The following EPS15L1 variants were observed in gnomAD, a reference collection of about 807,000 sequenced individuals.
The protein encoded by EPS15L1 is epidermal growth factor receptor pathway substrate 15 like 1, also known as epidermal growth factor receptor substrate 15-like 1.
A neutral mutation model predicts 117.1 loss-of-function variants in EPS15L1; 43 were observed. The observed-to-expected ratio is 0.37, with a 90% confidence interval of 0.29 to 0.47. EPS15L1 has a LOEUF of 0.47. Among genes scored for constraint, EPS15L1 ranks in the 20% least tolerant of loss-of-function variants. The pLI, the probability that EPS15L1 is intolerant of heterozygous loss-of-function variation, is 0.99. For missense variants in EPS15L1, 981 were observed against 1,164.0 expected (o/e 0.84, Z 2.29); for synonymous variants, 459 against 470.5 (o/e 0.98, Z 0.32).
chr19:16,355,715 G>A lies in EPS15L1; in HGVS notation c.2723C>T (p.Pro908Leu). The change falls in exon 24 of 24, where the codon CCT (proline) becomes CTT (leucine). Residue 908 changes from proline to leucine, a missense_variant. Around this residue, in one of 5 missense-constraint regions of EPS15L1, gnomAD observed 819 missense variants for 949.0 expected, o/e 0.86. Transcript: ENST00000455140. ...ACACACGGCCCTCGCCTAGGCGGCA[G>A]GCATGTCAGCCTTGCTGAGCGCGAT... ...LAIALSKADM[P>L]AA The A allele has an allele frequency of 1.3e-6, 2 of 1,535,742 alleles. No homozygotes were observed. Among genetic ancestry groups the A allele is most frequent in the Admixed American group, 3.9e-5 (2 of 50,992 alleles).
intron 13 of EPS15L1, among the ~76,000 whole-genome samples, chr19:16,409,058 A>T (rs2092683167): frequency 6.6e-6 from 1 of 151,266 alleles, no homozygotes; most frequent in Middle Eastern, 3.4e-3. Context: ...CCTGTCTCTT[A>T]ACAAAAAAAA....
intron 1 of EPS15L1, among the ~76,000 whole-genome samples, chr19:16,445,393 CAAT>C (rs2093073480): frequency 6.6e-6 from 1 of 152,186 alleles, no homozygotes; most frequent in Non-Finnish European, 1.5e-5. Flanking sequence ...TAACCTGGAA[CAAT>C]GACAGTGGTC....
At chr19:16,449,956 T>C (rs1424354024) in intron 1 of EPS15L1, among the ~76,000 whole-genome samples, 1 of 151,888 alleles carries the variant, frequency 6.6e-6, no homozygotes, top group South Asian at 2.1e-4. Flanking sequence ...GATAAAATTG[T>C]AGAAATGAAC....
chr19:16,376,234 T>C (rs972819189), intron 22 of EPS15L1, among the ~76,000 whole-genome samples: 6 of 152,010 alleles, frequency 3.9e-5, no homozygotes, highest in African/African-American at 1.2e-4. Flanking sequence ...GGTTAGAGAA[T>C]AGGAGGCGTC....
chr19:16,384,484 T>C (rs937571528), intron 21 of EPS15L1, among the ~76,000 whole-genome samples: 10 of 152,166 alleles, frequency 6.6e-5, no homozygotes, highest in African/African-American at 2.4e-4. Context: ...GAATTCTCTA[T>C]GCTACCTTAA....
chr19:16,445,413 T>G (rs1468082100), intron 1 of EPS15L1, among the ~76,000 whole-genome samples: 8 of 152,126 alleles, frequency 5.3e-5, no homozygotes, highest in Non-Finnish European at 1.0e-4. Flanking sequence ...GGTCAGAGGT[T>G]TTGATCTAAT....
chr19:16,414,679 G>A (rs116247923), intron 12 of EPS15L1, among the ~76,000 whole-genome samples: 2 of 149,964 alleles, frequency 1.3e-5, no homozygotes, highest in African/African-American at 2.5e-5. Flanking sequence ...AATTATAGGC[G>A]TGAGCCAACA....
At chr19:16,464,013 TGGGAAACACG>T (rs1449561565) in intron 1 of EPS15L1, among the ~76,000 whole-genome samples, 1 of 152,190 alleles carries the variant, frequency 6.6e-6, no homozygotes, top group African/African-American at 2.4e-5. Flanking sequence ...ACTGCAGGCC[TGGGAAACACG>T]GGGAGCAGGT....
At chr19:16,396,443 G>C (rs957782004) in intron 16 of EPS15L1, among the ~76,000 whole-genome samples, 3 of 152,046 alleles carry the variant, frequency 2.0e-5, no homozygotes, top group African/African-American at 7.3e-5. Flanking sequence ...TATATTTTTT[G>C]TAGAAATGAA....
intron 7 of EPS15L1, among the ~76,000 whole-genome samples, chr19:16,431,056 T>A (rs1454796393): frequency 6.6e-6 from 1 of 151,818 alleles, no homozygotes; most frequent in Non-Finnish European, 1.5e-5. Context: ...CTGGCCAACA[T>A]GGTGAAACCC....
chr19:16,392,665 C>T (rs191538672), intron 18 of EPS15L1, among the ~76,000 whole-genome samples: 53 of 152,220 alleles, frequency 3.5e-4, no homozygotes, highest in Non-Finnish European at 6.2e-4. Context: ...TGCACACAAC[C>T]GTGCATATTT....
chr19:16,404,826 C>T lies in EPS15L1; in HGVS notation c.1267-77G>A. ...CCAAGATAACGGGGGGCAGCCTGGG[C>T]CAGAAGTCCAGGGGAAGCCTCCGAA... is the stretch of plus-strand genomic sequence containing the variant. On this transcript the variant is annotated intron_variant, in intron 13 of 23. Transcript: ENST00000455140. The surrounding 1 kb of genome is among the most constrained non-coding windows in gnomAD (Gnocchi z 4.2). 2 of 1,524,416 alleles carry T rather than the reference C, an allele frequency of 1.3e-6. No individual in the cohort carries two copies. The highest frequency in any genetic ancestry group is 1.8e-6 in the Non-Finnish European group (2 of 1,114,278). 94.4% of individuals were successfully genotyped at this position (1,524,416 alleles called of 1,614,324 possible). A position where few individuals can be genotyped will look rare whatever the true frequency, so the allele number is the denominator to read the frequency against.
chr19:16,471,854 G>T lies in EPS15L1; in HGVS notation c.33+59C>A. ...AGTCTCCCAGCGCCTCAGCCTCGCC[G>T]CACCGCTCGCCTCGCGCCCCGCACC... On this transcript the variant is annotated intron_variant, in intron 1 of 23. Coordinates refer to ENST00000455140, the MANE Select transcript of EPS15L1 (RefSeq NM_001258374.3). This position sits in a 1 kb window ranked among gnomAD's most constrained non-coding sequence, Gnocchi z 4.8. The T allele has an allele frequency of 9.3e-7, 1 of 1,075,720 alleles. No homozygotes were observed. Among genetic ancestry groups the T allele is most frequent in the Non-Finnish European group, 1.2e-6 (1 of 827,780 alleles). The allele number at this position is 1,075,720 out of a possible 1,614,324, so 66.6% of individuals were successfully genotyped here. A position where few individuals can be genotyped will look rare whatever the true frequency, so the allele number is the denominator to read the frequency against.
At chr19:16,456,638 A>G (rs907058546) in intron 1 of EPS15L1, among the ~76,000 whole-genome samples, 1 of 152,150 alleles carries the variant, frequency 6.6e-6, no homozygotes, top group Admixed American at 6.5e-5. Flanking sequence ...AGCCTGGGTG[A>G]CAAGAGTGAA....
At chr19:16,367,215 C>T (rs2092145304) in intron 22 of EPS15L1, among the ~76,000 whole-genome samples, 1 of 151,288 alleles carries the variant, frequency 6.6e-6, no homozygotes, top group Non-Finnish European at 1.5e-5. Flanking sequence ...TCGATGCCAT[C>T]AATCCTAGAT....
At chr19:16,445,368 G>A (rs973519006) in intron 1 of EPS15L1, among the ~76,000 whole-genome samples, 3 of 152,190 alleles carry the variant, frequency 2.0e-5, no homozygotes, top group South Asian at 2.1e-4. Flanking sequence ...TCATCACCAC[G>A]GGAGTCCATC....
intron 12 of EPS15L1, among the ~76,000 whole-genome samples, chr19:16,417,213 C>T (rs2092766256): frequency 6.6e-6 from 1 of 151,994 alleles, no homozygotes; most frequent in South Asian, 2.1e-4. Flanking sequence ...CACACAGCTG[C>T]CACGGGCTCT....
chr19:16,362,895 T>C (rs2092078453), intron 22 of EPS15L1, among the ~76,000 whole-genome samples: 2 of 152,200 alleles, frequency 1.3e-5, no homozygotes, highest in Admixed American at 1.3e-4. Flanking sequence ...TCTGGGCTTC[T>C]GCCAAGCAGG....
intron 21 of EPS15L1, chr19:16,382,884 G>T (rs149688701): frequency 2.6e-4 from 40 of 152,166 alleles, no homozygotes; most frequent in African/African-American, 9.2e-4. Flanking sequence ...CAGAGGTAAG[G>T]TGCTTCAATT....
Sources: gnomAD v4.1 joint callset for allele counts (sites outside exome capture counted in the v4.1 genomes callset) on GRCh38, gnomAD v4.1.1 for gene constraint, gnomAD v4.1.1 regional missense constraint, Gnocchi (gnomAD v3.1) non-coding constraint, MANE v1.5 for transcripts, NCBI Gene and HGNC (gene_info 2026-07-23, HGNC 2026-07-21) for gene names.